Variants in PTPRD observed in about 807,000 individuals in gnomAD.
PTPRD encodes the protein receptor-type tyrosine-protein phosphatase delta.
PTPRD carries 34 observed loss-of-function variants against 214.5 expected under a neutral mutation model. The ratio of observed to expected loss-of-function variants is 0.16; its 90% CI spans 0.12 to 0.21. The LOEUF (loss-of-function observed/expected upper bound fraction) is 0.21, where lower values mean the gene tolerates loss of function less well. PTPRD is among the 10% of genes least tolerant of loss of function. PTPRD has a pLI of 1.00. For missense variants in PTPRD, 2,545 were observed against 2,398.7 expected, an observed-to-expected ratio of 1.06 and a Z score of -1.27; for synonymous variants, 1,128 against 845.7, an observed-to-expected ratio of 1.33 and a Z score of -5.79.
intron 10 of PTPRD, among the ~76,000 whole-genome samples, chr9:9,094,260 A>G (rs1215840124): frequency 3.3e-5 from 5 of 152,150 alleles, no homozygotes; most frequent in Non-Finnish European, 1.5e-5. Context: ...TCAATTGCAA[A>G]GGTTTGGAAC....
At chr9:9,105,556 G>A (rs1569543244) in intron 10 of PTPRD, among the ~76,000 whole-genome samples, 1 of 152,140 alleles carries the variant, frequency 6.6e-6, no homozygotes, top group South Asian at 2.1e-4. Flanking sequence ...TTCATTCCAG[G>A]TTACTCCATA....
chr9:10,597,826 T>A (rs1325824866), intron 2 of PTPRD, among the ~76,000 whole-genome samples: 1 of 151,850 alleles, frequency 6.6e-6, no homozygotes, highest in Non-Finnish European at 1.5e-5. Context: ...TTCTAGTGAA[T>A]AATTCTATAG....
chr9:10,380,207 G>T (rs994939016), intron 2 of PTPRD, among the ~76,000 whole-genome samples: 1 of 152,046 alleles, frequency 6.6e-6, no homozygotes, highest in South Asian at 2.1e-4. Flanking sequence ...ACATAGAGAT[G>T]TTGCATTTCT....
chr9:10,507,612 T>G (rs1466529924), intron 2 of PTPRD, among the ~76,000 whole-genome samples: 1 of 151,774 alleles, frequency 6.6e-6, no homozygotes, highest in Non-Finnish European at 1.5e-5. Context: ...TATAGACCAA[T>G]GGAACGGAAC....
In PTPRD at chr9:9,850,140, A is replaced by T. The variant is rs1027187317; in HGVS notation, c.-367-83289T>A. 2.0e-5 allele frequency among the ~76,000 whole-genome samples: 3 copies of T among 152,132 alleles called. No homozygotes were observed. The East Asian group carries it at 5.8e-4, about 29-fold the overall frequency. On this transcript the variant is annotated intron_variant, in intron 5 of 45. Coordinates refer to ENST00000381196, the MANE Select transcript of PTPRD (RefSeq NM_002839.4). ...ACTTAGATTTAACTTTAGACCAAAA[A>T]GTTACCACTGAAAGGTATTTATTTC...
At chr9:10,219,234 G>A (rs2099554937) in intron 3 of PTPRD, among the ~76,000 whole-genome samples, 2 of 151,746 alleles carry the variant, frequency 1.3e-5, no homozygotes, top group African/African-American at 4.8e-5. Context: ...AGCATGTAAA[G>A]GTTTATAGTT....
intron 2 of PTPRD, among the ~76,000 whole-genome samples, chr9:10,393,686 C>CTA (rs1042814946): frequency 1.8e-4 from 26 of 144,564 alleles, no homozygotes; most frequent in East Asian, 4.1e-4. Context: ...TTGGGTCTTG[C>CTA]TATATATATA....
intron 2 of PTPRD, among the ~76,000 whole-genome samples, chr9:10,591,534 C>G (rs1287483439): frequency 1.3e-5 from 2 of 151,822 alleles, no homozygotes; most frequent in Non-Finnish European, 2.9e-5. Context: ...AAACTAGACC[C>G]TCCCATTAAT....
intron 9 of PTPRD, among the ~76,000 whole-genome samples, chr9:9,190,091 G>C (rs1407754679): frequency 3.9e-5 from 6 of 152,072 alleles, no homozygotes; most frequent in Admixed American, 2.0e-4. Flanking sequence ...AAGTTCATGT[G>C]TTGGAAACTT....
Position 8,657,261 on chromosome 9 carries a change from G to A in PTPRD, c.65-20417C>T, listed in dbSNP as rs552843291. Among the ~76,000 whole-genome samples the A allele has an allele frequency of 1.3e-3, 186 of 148,664 alleles. 2 individuals are homozygous for A. The highest frequency in any genetic ancestry group is 4.5e-3 in the African/African-American group (180 of 40,396). On this transcript the variant is annotated intron_variant, in intron 12 of 45. Transcript: ENST00000381196. ...TGGCTCACTGCAACCTCTGCCTCCC[G>A]GGTTCAAGTGATTCTCTTGCCTCAG...
chr9:8,438,682 G>C (rs1221788560), intron 34 of PTPRD: 1 of 152,144 alleles, frequency 6.6e-6, no homozygotes, highest in Non-Finnish European at 1.5e-5. Context: ...GAAAATAATA[G>C]AGACAAAGAT....
chr9:9,736,114 G>C (rs1001771515), intron 6 of PTPRD, among the ~76,000 whole-genome samples: 2 of 152,088 alleles, frequency 1.3e-5, no homozygotes, highest in Non-Finnish European at 2.9e-5. Context: ...ATTTGACTGT[G>C]TGTTACCAGG....
chr9:8,814,923 C>T (rs1223756616), intron 11 of PTPRD, among the ~76,000 whole-genome samples: 1 of 152,136 alleles, frequency 6.6e-6, no homozygotes. Context: ...GAAGAGCGTT[C>T]ATATCAATAG....
chr9:10,410,211 C>A (rs1199381966), intron 2 of PTPRD, among the ~76,000 whole-genome samples: 1 of 143,892 alleles, frequency 6.9e-6, no homozygotes, highest in Non-Finnish European at 1.5e-5. Context: ...TTTCATTAAA[C>A]AAATGTGCTA....
chr9:10,008,532 C>T (rs1212878588), intron 4 of PTPRD, among the ~76,000 whole-genome samples: 1 of 151,932 alleles, frequency 6.6e-6, no homozygotes, highest in Non-Finnish European at 1.5e-5. Context: ...GTTTGCTTAG[C>T]ATGCATATGT....
At chr9:10,027,830 A>G (rs2096958248) in intron 4 of PTPRD, among the ~76,000 whole-genome samples, 1 of 152,178 alleles carries the variant, frequency 6.6e-6, no homozygotes, top group Admixed American at 6.5e-5. Context: ...TAACAGCATT[A>G]CCTCTTACTT....
intron 11 of PTPRD, chr9:8,962,067 G>C (rs772928712): frequency 3.3e-5 from 5 of 151,852 alleles, no homozygotes; most frequent in Non-Finnish European, 7.4e-5. Context: ...TTTTACATTG[G>C]AGCATGTAAA....
At chr9:9,296,960 G>T (rs1471698372) in intron 9 of PTPRD, among the ~76,000 whole-genome samples, 1 of 151,680 alleles carries the variant, frequency 6.6e-6, no homozygotes, top group Non-Finnish European at 1.5e-5. Context: ...TGAAATCTGG[G>T]GCAGTCTATA....
chr9:9,936,081 G>C (rs943280385), intron 5 of PTPRD, among the ~76,000 whole-genome samples: 22 of 146,982 alleles, frequency 1.5e-4, no homozygotes, highest in African/African-American at 5.9e-4. Context: ...ATCAATTCAA[G>C]ATGGATTAAA....
Sources: allele counts gnomAD v4.1 joint callset (sites outside exome capture counted in the v4.1 genomes callset), GRCh38; gene constraint gnomAD v4.1.1; transcripts MANE v1.5; gene names NCBI Gene and HGNC (gene_info 2026-07-23, HGNC 2026-07-21).